The following ERC1 variants were observed in gnomAD, a reference collection of about 807,000 sequenced individuals.
ERC1 encodes the protein ELKS/RAB6-interacting/CAST family member 1, also known as RAB6 interacting protein 2.
Under a neutral mutation model 132.0 loss-of-function variants are expected in ERC1, and 56 were observed. That is an observed-to-expected ratio of 0.42 (90% confidence interval 0.34 to 0.53). The LOEUF (loss-of-function observed/expected upper bound fraction) is 0.53. Among genes scored for constraint, ERC1 ranks in the 20% least tolerant of loss-of-function variants. The pLI is 0.03. For missense variants in ERC1, 1,202 were observed against 1,349.9 expected (o/e 0.89, Z 1.72); for synonymous variants, 478 against 476.1 (o/e 1.00, Z -0.05).
chr12:1,364,010 G>C (rs1014793163), intron 15 of ERC1, among the ~76,000 whole-genome samples: 4 of 152,226 alleles, frequency 2.6e-5, no homozygotes, highest in African/African-American at 9.6e-5. Context: ...GGACCCCAGC[G>C]TGCACTGTTG....
chr12:1,147,767 G>A (rs1268774025), intron 8 of ERC1, among the ~76,000 whole-genome samples: 4 of 152,112 alleles, frequency 2.6e-5, no homozygotes, highest in East Asian at 1.9e-4. Context: ...ATTTCATACA[G>A]TGCAAGTTTC....
chr12:1,424,840 TAG>T (rs2092566432), intron 17 of ERC1, among the ~76,000 whole-genome samples: 4 of 115,590 alleles, frequency 3.5e-5, no homozygotes, highest in African/African-American at 1.5e-4. Flanking sequence ...GATAGATAGA[TAG>T]ATGATAGATA....
At chr12:1,171,356 CTTTTTTTTTT>C (rs57007848) in intron 8 of ERC1, among the ~76,000 whole-genome samples, 8 of 87,300 alleles carry the variant, frequency 9.2e-5, no homozygotes, top group African/African-American at 1.7e-4. Flanking sequence ...GCAAAACATT[CTTTTTTTTTT>C]TTTTTTTTTT....
chr12:1,403,692 G>A (rs190538360), intron 16 of ERC1, among the ~76,000 whole-genome samples: 68 of 152,168 alleles, frequency 4.5e-4, no homozygotes, highest in African/African-American at 1.5e-3. Flanking sequence ...GCAGGCATAC[G>A]TACTCACTCC....
intron 15 of ERC1, among the ~76,000 whole-genome samples, chr12:1,315,185 A>G (rs934475895): frequency 6.6e-6 from 1 of 151,806 alleles, no homozygotes; most frequent in Non-Finnish European, 1.5e-5. Flanking sequence ...ACATTTGGCT[A>G]ATTGTATTTT....
intron 14 of ERC1, among the ~76,000 whole-genome samples, chr12:1,272,127 T>A (rs1277686271): frequency 6.6e-6 from 1 of 152,200 alleles, no homozygotes; most frequent in Non-Finnish European, 1.5e-5. Flanking sequence ...GCAAGTTACT[T>A]GTGGGTCAGT....
intron 7 of ERC1, among the ~76,000 whole-genome samples, chr12:1,132,521 C>CTTAACTGAAT (rs1236603790): frequency 1.3e-5 from 2 of 152,156 alleles, no homozygotes; most frequent in Non-Finnish European, 2.9e-5. Flanking sequence ...TGACATGTTT[C>CTTAACTGAAT]CAGGTCACTT....
intron 13 of ERC1, among the ~76,000 whole-genome samples, chr12:1,258,429 T>G (rs557233539): frequency 6.6e-6 from 1 of 152,212 alleles, no homozygotes; most frequent in Admixed American, 6.5e-5. Flanking sequence ...AGAATCACTC[T>G]TACACTTGGG....
intron 13 of ERC1, among the ~76,000 whole-genome samples, chr12:1,254,080 G>A (rs139120748): frequency 6.6e-6 from 1 of 152,260 alleles, no homozygotes; most frequent in Non-Finnish European, 1.5e-5. Context: ...ATAATCCAAT[G>A]GTAGGAAAAA....
intron 16 of ERC1, among the ~76,000 whole-genome samples, chr12:1,384,820 A>G (rs1216945812): frequency 6.6e-6 from 1 of 152,180 alleles, no homozygotes; most frequent in East Asian, 1.9e-4. Flanking sequence ...CTTGTTCCTG[A>G]ATGGAGCATT....
chr12:1,250,769 TA>T (rs1566384349), intron 13 of ERC1, among the ~76,000 whole-genome samples: 1 of 152,202 alleles, frequency 6.6e-6, no homozygotes, highest in East Asian at 1.9e-4. Context: ...CACGTCCTAA[TA>T]ATGCAAAGTA....
At chr12:1,175,106 T>C (rs1953544797) in intron 8 of ERC1, among the ~76,000 whole-genome samples, 1 of 152,206 alleles carries the variant, frequency 6.6e-6, no homozygotes, top group Non-Finnish European at 1.5e-5. Flanking sequence ...TGCTAATGAT[T>C]TTCTGAGCCT....
At chr12:1,114,011 T>G (rs1000496403) in intron 6 of ERC1, among the ~76,000 whole-genome samples, 2 of 152,142 alleles carry the variant, frequency 1.3e-5, no homozygotes, top group African/African-American at 4.8e-5. Context: ...ACTCTGCTTT[T>G]CTTTTCTTTT....
rs10570281 is a variant in ERC1, at chr12:1,007,540, CTGTGTGTGTG to C, written c.-157+16238_-157+16247del. Among the ~76,000 whole-genome samples the C allele has an allele frequency of 2.8e-4, 34 of 122,770 alleles. No homozygotes were observed. In the East Asian group the frequency reaches 3.4e-3, roughly 12 times the overall value. The allele number at this position is 122,770 out of a possible 152,430, so 80.5% of individuals were successfully genotyped here. ...ATTCTCTCTCTCTCTCTCTCTCTCT[CTGTGTGTGTG>C]TGTGTGTGTGTGTGTGTGTACACAC... is the stretch of plus-strand genomic sequence containing the variant. On this transcript the variant is annotated intron_variant, in intron 1 of 18. Coordinates refer to ENST00000360905, the MANE Select transcript of ERC1 (RefSeq NM_178040.4).
At chr12:1,155,680 G>GT (rs923387325) in intron 8 of ERC1, among the ~76,000 whole-genome samples, 15 of 152,122 alleles carry the variant, frequency 9.9e-5, no homozygotes, top group African/African-American at 3.6e-4. Context: ...GTTTCACCAT[G>GT]TTAGGTGGTC....
At chr12:1,314,578 A>G (rs2081555295) in intron 15 of ERC1, among the ~76,000 whole-genome samples, 1 of 151,120 alleles carries the variant, frequency 6.6e-6, no homozygotes, top group African/African-American at 2.5e-5. Flanking sequence ...ATTTTTGACA[A>G]GCACACAATG....
intron 16 of ERC1, chr12:1,386,805 C>CT (rs1194879429): frequency 6.6e-6 from 1 of 152,172 alleles, no homozygotes; most frequent in Non-Finnish European, 1.5e-5. Context: ...GTACCATCCC[C>CT]TGCCTATTCC....
At chr12:1,237,912 T>C (rs546672437) in intron 13 of ERC1, among the ~76,000 whole-genome samples, 1 of 152,208 alleles carries the variant, frequency 6.6e-6, no homozygotes, top group Non-Finnish European at 1.5e-5. Context: ...CTGGAGAGAT[T>C]TGGAGGGTTT....
intron 7 of ERC1, among the ~76,000 whole-genome samples, chr12:1,124,560 ATAAG>A (rs1037799377): frequency 1.3e-5 from 2 of 152,262 alleles, no homozygotes; most frequent in Admixed American, 1.3e-4. Context: ...TTATCAGAAA[ATAAG>A]AAAGAAAAGC....
Sources: allele counts gnomAD v4.1 joint callset (sites outside exome capture counted in the v4.1 genomes callset), GRCh38; gene constraint gnomAD v4.1.1; transcripts MANE v1.5; gene names NCBI Gene and HGNC (gene_info 2026-07-23, HGNC 2026-07-21).